GDF10: variants seen among roughly 807,000 people sequenced by gnomAD.
GDF10 encodes growth differentiation factor 10, also known as growth/differentiation factor 10.
GDF10 carries 23 observed loss-of-function variants against 32.1 expected under a neutral mutation model. The observed-to-expected ratio is 0.72, with a 90% CI of 0.52 to 1.02. The LOEUF is 1.02. Among genes scored for constraint, GDF10 ranks in the 50% least tolerant of loss-of-function variants. The pLI is 0.00. For synonymous variants in GDF10, 328 were observed against 303.1 expected, an observed-to-expected ratio of 1.08 and a Z score of -0.85; for missense variants, 764 against 673.9, an observed-to-expected ratio of 1.13 and a Z score of -1.48.
intron 1 of GDF10, among the ~76,000 whole-genome samples, chr10:47,307,132 G>T (rs983300953): frequency 1.3e-5 from 2 of 151,986 alleles, no homozygotes; most frequent in Non-Finnish European, 2.9e-5. Flanking sequence ...GGGCAACTTT[G>T]TTATCTGTCT....
At chr10:47,302,080 G>A (rs1312144529) in intron 1 of GDF10, among the ~76,000 whole-genome samples, 1 of 152,204 alleles carries the variant, frequency 6.6e-6, no homozygotes. Context: ...AGGCCAATTG[G>A]ATCTAACTCC....
chr10:47,312,840 C>A lies in GDF10; in HGVS notation c.*48C>A. 1 of 1,314,352 alleles carries A rather than the reference C, an allele frequency of 7.6e-7. No individual in the cohort carries two copies. Among genetic ancestry groups the A allele is most frequent in the South Asian group, 1.6e-5 (1 of 64,420 alleles). 81.4% of individuals were successfully genotyped at this position (1,314,352 alleles called of 1,614,324 possible). On this transcript the variant is annotated 3_prime_UTR_variant, in exon 3 of 3. Transcript: ENST00000580279. ...GCCACGCCCAGCAGAGCTGCCTTCT[C>A]GGAGCCTTCTGCAACCAGGACTTGT...
At position 47,300,919 on chromosome 10, in the gene GDF10, GGC is replaced by G; in HGVS notation, c.274_275del (p.Arg92AlafsTer136). 6.4e-7 allele frequency: 1 copy of G among 1,554,034 alleles called. No individual in the cohort carries two copies. The highest frequency in any genetic ancestry group is 8.6e-7 in the Non-Finnish European group (1 of 1,157,152). ...HRLYEKYSRQ[G>X]ARPGGGNTVR... Reference sequence around the variant, plus strand: ...GCTCTATGAGAAGTACAGCCGGCAGGGCGCGCGGCCGGGAGGGGGCAACACGG... The same window carrying G: ...GCTCTATGAGAAGTACAGCCGGCAGGGCGCGGCCGGGAGGGGGCAACACGG... On this transcript the variant is annotated frameshift_variant, in exon 1 of 3. Transcript: ENST00000580279. LOFTEE classifies it high-confidence loss of function.
chr10:47,300,438 G>A lies in GDF10; in HGVS notation c.-214G>A. The A allele has an allele frequency of 2.0e-6, 1 of 500,878 alleles. No homozygotes were observed. Among genetic ancestry groups the A allele is most frequent in the Non-Finnish European group, 3.5e-6 (1 of 287,668 alleles). The allele number at this position is 500,878 out of a possible 1,614,324, so 31.0% of individuals were successfully genotyped here. On this transcript the variant is annotated 5_prime_UTR_variant, in exon 1 of 3. Transcript: ENST00000580279. ...GCTGCTCCGGACGGCTGTGACCGCT[G>A]GCCGGGGGCTCGGGCCGCCGGTACC...
intron 1 of GDF10, among the ~76,000 whole-genome samples, chr10:47,304,192 G>A (rs2061014326): frequency 6.6e-6 from 1 of 152,138 alleles, no homozygotes; most frequent in Admixed American, 6.5e-5. Context: ...CCAGGAGTTT[G>A]GTTTTAATGA....
chr10:47,309,739 G>A (rs1293732761), intron 1 of GDF10, 57 bp from the exon 2 acceptor site: 2 of 1,211,918 alleles, frequency 1.7e-6, no homozygotes, highest in African/African-American at 3.0e-5. Flanking sequence ...CTGGGTGGGA[G>A]ACCCTCAGGA....
chr10:47,308,972 C>T (rs572004316), intron 1 of GDF10, among the ~76,000 whole-genome samples: 25 of 152,298 alleles, frequency 1.6e-4, no homozygotes, highest in South Asian at 2.1e-4. Context: ...CCCTGGGGAA[C>T]GCCTGCTTCC....
At position 47,312,882 on chromosome 10, in the gene GDF10, C is replaced by A. The variant is rs782350182; in HGVS notation, c.*90C>A. On this transcript the variant is annotated 3_prime_UTR_variant, in exon 3 of 3. Transcript: ENST00000580279. ...AGGACTTGTGGTGCAGCTGCAGACA[C>A]AGAGCACAGCTCATGGGCAACATCA... 1 of 791,844 alleles carries A rather than the reference C, an allele frequency of 1.3e-6. No homozygotes were observed. The allele number at this position is 791,844 out of a possible 1,614,324, so 49.1% of individuals were successfully genotyped here.
intron 2 of GDF10, among the ~76,000 whole-genome samples, chr10:47,312,250 C>T (rs1250128992): frequency 3.3e-5 from 5 of 152,216 alleles, no homozygotes; most frequent in African/African-American, 1.2e-4. Context: ...TGGGTTTTCC[C>T]TCTGGGCAGC....
At position 47,300,762 on chromosome 10, in the gene GDF10, C is replaced by T. The variant is rs1006118346; in HGVS notation, c.111C>T (p.Ala37=). 1 of 1,570,476 alleles carries T rather than the reference C, an allele frequency of 6.4e-7. No homozygotes were observed. Among genetic ancestry groups the T allele is most frequent in the Non-Finnish European group, 8.6e-7 (1 of 1,162,692 alleles). The change falls in exon 1 of 3, where the codon GCC becomes GCT. Residue 37 remains alanine (A), a synonymous_variant. Transcript: ENST00000580279. ...LLRDVAGSHR[A]PAWSALPAAA... is the part of the protein sequence containing the mutation. ...GGGATGTGGCCGGCAGCCACAGGGC[C>T]CCCGCCTGGTCCGCACTGCCCGCGG...
rs1348485232 is a variant in GDF10 at position 47,310,046 on chromosome 10, C to G, written c.570C>G (p.Ala190=). ...NTATQGLLRG[A]MALAPPPRGL... is the part of the protein sequence containing the mutation. ...CCACACAGGGGCTACTCCGCGGGGC[C>G]ATGGCCCTGGCGCCCCCACCGCGCG... is the stretch of plus-strand genomic sequence containing the variant. Residue 190 remains alanine, a synonymous_variant, in exon 2 of 3, where the codon GCC becomes GCG. Coordinates refer to ENST00000580279, the MANE Select transcript of GDF10 (RefSeq NM_004962.5). The G allele has an allele frequency of 6.2e-7, 1 of 1,605,268 alleles. No homozygotes were observed. Among genetic ancestry groups the G allele is most frequent in the Non-Finnish European group, 8.5e-7 (1 of 1,176,088 alleles).
rs2061042341 is a variant in GDF10 at position 47,310,580 on chromosome 10, G to A, written c.1104G>A (p.Lys368=). Residue 368 remains lysine, a synonymous_variant, in exon 2 of 3, where the codon AAG becomes AAA. Coordinates refer to ENST00000580279, the MANE Select transcript of GDF10 (RefSeq NM_004962.5). ...DEKTMQKARR[K]QWDEPRVCSR... ...AGACGATGCAGAAAGCCCGGAGGAA[G>A]CAGTGGGATGAGCCGAGGGTGTGCT... 2.5e-6 allele frequency: 4 copies of A among 1,614,252 alleles called. No homozygotes were observed. Among genetic ancestry groups the A allele is most frequent in the Non-Finnish European group, 3.4e-6 (4 of 1,180,038 alleles).
At chr10:47,311,053 T>C (rs1227400783) in intron 2 of GDF10, among the ~76,000 whole-genome samples, 1 of 152,148 alleles carries the variant, frequency 6.6e-6, no homozygotes, top group Non-Finnish European at 1.5e-5. Context: ...AGAGGTTGAG[T>C]AGATGCTGCT....
In GDF10 at chr10:47,313,276, G is replaced by A. The variant is rs2061053667; in HGVS notation, c.*484G>A. ...GTGTTTCCTTTCAAAGTCCACTGCA[G>A]AGCTTTTATCCATATGGTATGCACA... is the stretch of plus-strand genomic sequence containing the variant. On this transcript the variant is annotated 3_prime_UTR_variant, in exon 3 of 3. Transcript: ENST00000580279. 1 of 152,348 alleles carries A rather than the reference G, an allele frequency of 6.6e-6. No individual in the cohort carries two copies. The highest frequency in any genetic ancestry group is 1.5e-5 in the Non-Finnish European group (1 of 68,176). The allele number at this position is 152,348 out of a possible 1,614,324, so 9.4% of individuals were successfully genotyped here.
intron 1 of GDF10, among the ~76,000 whole-genome samples, chr10:47,307,790 T>A (rs1234004360): frequency 3.9e-5 from 6 of 152,204 alleles, no homozygotes; most frequent in African/African-American, 1.4e-4. Context: ...GTTGGCTGGG[T>A]TGCAGCTCAG....
chr10:47,309,705 C>T, intron 1 of GDF10, 91 bp from the exon 2 acceptor site: 1 of 770,738 alleles, frequency 1.3e-6, no homozygotes, highest in Non-Finnish European at 2.2e-6. Flanking sequence ...AAGTGTGGAT[C>T]GGTGGGCGTT....
At chr10:47,305,966 A>G (rs1285989159) in intron 1 of GDF10, among the ~76,000 whole-genome samples, 1 of 152,238 alleles carries the variant, frequency 6.6e-6, no homozygotes, top group African/African-American at 2.4e-5. Flanking sequence ...TAGGCAGATC[A>G]TGAACATATC....
chr10:47,312,328 G>A (rs2061049431), intron 2 of GDF10, among the ~76,000 whole-genome samples: 1 of 152,210 alleles, frequency 6.6e-6, no homozygotes, highest in Non-Finnish European at 1.5e-5. Context: ...GCCCTGCCGT[G>A]TTGGGGACAC....
rs782299473 is a variant in GDF10, at chr10:47,310,280, C to A, written c.804C>A (p.Pro268=). The change falls in exon 2 of 3, where the codon CCC becomes CCA. Residue 268 remains proline, a synonymous_variant. Transcript: ENST00000580279. The part of the protein sequence containing the change: ...SVAVTLQRYD[P]FPAGDPEPRA... ...CAGTGACGCTGCAGAGATACGACCCCTTCCCTGCCGGAGACCCCGAGCCCC... is the reference window on the plus strand; with the variant it reads ...CAGTGACGCTGCAGAGATACGACCCATTCCCTGCCGGAGACCCCGAGCCCC... The A allele has an allele frequency of 1.9e-6, 3 of 1,608,624 alleles. No individual in the cohort carries two copies. The highest frequency in any genetic ancestry group is 2.5e-6 in the Non-Finnish European group (3 of 1,177,616).
Sources: gnomAD v4.1 joint callset for allele counts (sites outside exome capture counted in the v4.1 genomes callset) on GRCh38, gnomAD v4.1.1 for gene constraint, MANE v1.5 for transcripts, NCBI Gene and HGNC (gene_info 2026-07-23, HGNC 2026-07-21) for gene names.